The following SYT13 variants were observed in gnomAD, a reference collection of about 807,000 sequenced individuals.
SYT13 encodes synaptotagmin-13.
In SYT13, 21 loss-of-function variants were observed where a neutral mutation model predicts 38.6. The ratio of observed to expected loss-of-function variants is 0.54; its 90% CI spans 0.39 to 0.78. SYT13 has a LOEUF of 0.78. Ranked by LOEUF, SYT13 falls within the 30% of genes least tolerant of loss-of-function variation. The pLI is 0.00. For missense variants in SYT13, 495 were observed against 548.7 expected (o/e 0.90, Z 0.98); for synonymous variants, 241 against 237.6 (o/e 1.01, Z -0.13).
At chr11:45,255,284 A>T (rs1383673114) in intron 2 of SYT13, among the ~76,000 whole-genome samples, 1 of 152,200 alleles carries the variant, frequency 6.6e-6, no homozygotes, top group African/African-American at 2.4e-5. Flanking sequence ...CATTTTATAG[A>T]TGAAGAAACC....
At chr11:45,263,943 T>A (rs1854850080) in intron 1 of SYT13, among the ~76,000 whole-genome samples, 1 of 152,174 alleles carries the variant, frequency 6.6e-6, no homozygotes, top group Non-Finnish European at 1.5e-5. Flanking sequence ...CACGCAGAGC[T>A]CTTAGGACAG....
At chr11:45,280,438 G>T (rs1325081640) in intron 1 of SYT13, among the ~76,000 whole-genome samples, 1 of 152,006 alleles carries the variant, frequency 6.6e-6, no homozygotes, top group African/African-American at 2.4e-5. Flanking sequence ...AAAAAATACT[G>T]GCCTGGTACT....
chr11:45,246,182 G>A (rs902949774), intron 5 of SYT13, among the ~76,000 whole-genome samples: 6 of 152,174 alleles, frequency 3.9e-5, no homozygotes, highest in Non-Finnish European at 8.8e-5. Context: ...GTAAATGGAT[G>A]GGAACTCATA....
At chr11:45,273,817 G>GAAAAA (rs1442550139) in intron 1 of SYT13, among the ~76,000 whole-genome samples, 4 of 152,210 alleles carry the variant, frequency 2.6e-5, no homozygotes, top group Non-Finnish European at 5.9e-5. Context: ...CTGGAATACT[G>GAAAAA]TTAATGAATT....
intron 1 of SYT13, among the ~76,000 whole-genome samples, chr11:45,267,857 G>C (rs1269218689): frequency 6.6e-6 from 1 of 152,164 alleles, no homozygotes; most frequent in Non-Finnish European, 1.5e-5. Context: ...AGGCGGCGCA[G>C]TGTTTCCATG....
intron 1 of SYT13, among the ~76,000 whole-genome samples, chr11:45,261,057 G>A (rs114341151): frequency 0.013 from 2,017 of 152,220 alleles, 42 homozygotes; most frequent in African/African-American, 0.046. Flanking sequence ...ATGAGCAAAG[G>A]ATTTAAATAG....
At chr11:45,267,086 A>G (rs560381355) in intron 1 of SYT13, among the ~76,000 whole-genome samples, 1 of 152,368 alleles carries the variant, frequency 6.6e-6, no homozygotes, top group Non-Finnish European at 1.5e-5. Flanking sequence ...TATAGGAAGT[A>G]CAAATATTGT....
Position 45,252,382 on chromosome 11 carries a change from C to A in SYT13, c.846+39G>T. On this transcript the variant is annotated intron_variant, in intron 4 of 5. Transcript: ENST00000020926. The surrounding 1 kb of genome is among the most constrained non-coding windows in gnomAD (Gnocchi z 4.3). ...CCAGGTTCTGCCATCCCATGCTGCA[C>A]GGGCAGGTTTTACCTTTCTAACCCA... The A allele has an allele frequency of 6.6e-7, 1 of 1,519,784 alleles. No individual in the cohort carries two copies. The highest frequency in any genetic ancestry group is 2.3e-4 in the Middle Eastern group (1 of 4,340). The allele number at this position is 1,519,784 out of a possible 1,614,324, so 94.1% of individuals were successfully genotyped here. A position where few individuals can be genotyped will look rare whatever the true frequency, so the allele number is the denominator to read the frequency against.
At chr11:45,244,495 C>G in intron 5 of SYT13, 139 bp from the exon 6 acceptor site, 1 of 1,039,376 alleles carries the variant, frequency 9.6e-7, no homozygotes, top group South Asian at 1.7e-5. Context: ...CCCCATATAC[C>G]CAAACATCTT....
chr11:45,250,809 C>A (rs1427304306), intron 4 of SYT13, among the ~76,000 whole-genome samples: 5 of 152,196 alleles, frequency 3.3e-5, no homozygotes, highest in Admixed American at 2.0e-4. Context: ...TTCCCTCCTG[C>A]AGTCTGGGTG....
chr11:45,245,324 T>A (rs1854600880), intron 5 of SYT13, among the ~76,000 whole-genome samples: 1 of 152,254 alleles, frequency 6.6e-6, no homozygotes, highest in African/African-American at 2.4e-5. Flanking sequence ...GCTGTAATTA[T>A]CACCTCTGGG....
intron 1 of SYT13, among the ~76,000 whole-genome samples, chr11:45,278,428 T>C (rs184434221): frequency 7.9e-5 from 12 of 152,254 alleles, no homozygotes; most frequent in African/African-American, 2.6e-4. Flanking sequence ...CCTCTTTGTC[T>C]TCTGGGTCTG....
intron 1 of SYT13, among the ~76,000 whole-genome samples, chr11:45,261,530 G>A (rs532261338): frequency 9.0e-4 from 137 of 152,148 alleles, no homozygotes; most frequent in African/African-American, 3.3e-3. Context: ...CCCAGAAGGC[G>A]GAGGTTGCAG....
chr11:45,246,530 A>G lies in SYT13; in HGVS notation c.847-18T>C. On this transcript the variant is annotated intron_variant, in intron 4 of 5. Coordinates refer to ENST00000020926, the MANE Select transcript of SYT13 (RefSeq NM_020826.3). ...GATGGCTCCTGAAACAGAAAAGGAG[A>G]TGCAGGAGGGGAGTCTCACCTGGGG... 1 of 1,613,222 alleles carries G rather than the reference A, an allele frequency of 6.2e-7. No homozygotes were observed. The highest frequency in any genetic ancestry group is 1.7e-5 in the Admixed American group (1 of 59,972).
chr11:45,272,791 G>T (rs1361763531), intron 1 of SYT13, among the ~76,000 whole-genome samples: 2 of 152,186 alleles, frequency 1.3e-5, no homozygotes, highest in Admixed American at 6.5e-5. Context: ...CTACCTGCAG[G>T]TGTGTCTGTT....
intron 1 of SYT13, among the ~76,000 whole-genome samples, chr11:45,257,123 G>A (rs899445823): frequency 2.6e-5 from 4 of 152,114 alleles, no homozygotes; most frequent in Admixed American, 6.5e-5. Context: ...GGCCCTTTTC[G>A]CTTGGAACGA....
intron 1 of SYT13, among the ~76,000 whole-genome samples, chr11:45,282,428 A>G (rs1282705693): frequency 6.6e-6 from 1 of 152,244 alleles, no homozygotes; most frequent in East Asian, 1.9e-4. Flanking sequence ...AGGGCTGCCT[A>G]GGGACACTTC....
intron 1 of SYT13, among the ~76,000 whole-genome samples, chr11:45,278,798 T>A (rs1215243208): frequency 6.6e-6 from 1 of 152,172 alleles, no homozygotes; most frequent in Admixed American, 6.5e-5. Flanking sequence ...GGGGTCCACA[T>A]GTGAGTGCTT....
chr11:45,278,477 C>T (rs1408510967), intron 1 of SYT13, among the ~76,000 whole-genome samples: 6 of 152,068 alleles, frequency 3.9e-5, no homozygotes, highest in Non-Finnish European at 8.8e-5. Flanking sequence ...CTTCCTTCTG[C>T]CTTTGCTTGG....
Sources: gnomAD v4.1 joint callset for allele counts (sites outside exome capture counted in the v4.1 genomes callset) on GRCh38, gnomAD v4.1.1 for gene constraint, Gnocchi (gnomAD v3.1) non-coding constraint, MANE v1.5 for transcripts, NCBI Gene and HGNC (gene_info 2026-07-23, HGNC 2026-07-21) for gene names.